DDX10: variants seen among roughly 807,000 people sequenced by gnomAD.
The protein encoded by DDX10 is DEAD-box helicase 10.
A neutral mutation model predicts 104.3 loss-of-function variants in DDX10; 74 were observed. The ratio of observed to expected loss-of-function variants is 0.71; its 90% CI spans 0.59 to 0.86. The LOEUF (loss-of-function observed/expected upper bound fraction) is 0.86, where lower values mean the gene tolerates loss of function less well. Ranked by LOEUF, DDX10 falls within the 40% of genes least tolerant of loss-of-function variation. The pLI is 0.00. For missense variants in DDX10, 952 were observed against 1,040.0 expected, an observed-to-expected ratio of 0.92 and a Z score of 1.16; for synonymous variants, 351 against 353.4, an observed-to-expected ratio of 0.99 and a Z score of 0.08.
rs1354413455 is a variant in DDX10 at position 108,774,345 on chromosome 11, G to A, written c.1965+50883G>A. ...ACTGCTGAGTTGTTTACCATTGTTC[G>A]TCCTTTTAACACAGTATACCATTTT... is the stretch of plus-strand genomic sequence containing the variant. On this transcript the variant is annotated intron_variant, in intron 13 of 17. Transcript: ENST00000322536. Among the ~76,000 whole-genome samples, 4 of 152,268 alleles carry A rather than the reference G, an allele frequency of 2.6e-5. No homozygotes were observed. The East Asian group carries it at 5.8e-4, about 22-fold the overall frequency.
At chr11:108,931,964 C>T (rs751673567) in intron 17 of DDX10, among the ~76,000 whole-genome samples, 2 of 151,970 alleles carry the variant, frequency 1.3e-5, no homozygotes, top group Non-Finnish European at 2.9e-5. Context: ...ACAAAAGCTA[C>T]TAGAATCAGG....
At chr11:108,932,752 G>A (rs1591131258) in intron 17 of DDX10, among the ~76,000 whole-genome samples, 1 of 151,988 alleles carries the variant, frequency 6.6e-6, no homozygotes, top group East Asian at 1.9e-4. Context: ...TTGCTTTTTG[G>A]TCTTGTTTTC....
At chr11:108,679,320 C>A in intron 5 of DDX10, 51 bp from the exon 6 acceptor site, 1 of 1,449,970 alleles carries the variant, frequency 6.9e-7, no homozygotes, top group Non-Finnish European at 9.3e-7. Context: ...TTGCATTTAG[C>A]CTAATGTATA....
chr11:108,857,481 G>T (rs898643222), intron 16 of DDX10, among the ~76,000 whole-genome samples: 1 of 152,054 alleles, frequency 6.6e-6, no homozygotes, highest in Admixed American at 6.5e-5. Flanking sequence ...CTAGAGCACC[G>T]CCAATAATTA....
At chr11:108,852,331 C>A in intron 16 of DDX10, 122 bp downstream of exon 16, 1 of 660,970 alleles carries the variant, frequency 1.5e-6, no homozygotes, top group Non-Finnish European at 2.5e-6. Context: ...CTCTTCTTTT[C>A]AACATGGATT....
At chr11:108,831,318 C>G (rs541870410) in intron 13 of DDX10, among the ~76,000 whole-genome samples, 12 of 150,046 alleles carry the variant, frequency 8.0e-5, no homozygotes, top group Non-Finnish European at 1.6e-4. Context: ...GCAGGAGAAT[C>G]GCTTGAACCC....
At chr11:108,805,185 C>T (rs1160546490) in intron 13 of DDX10, among the ~76,000 whole-genome samples, 1 of 152,316 alleles carries the variant, frequency 6.6e-6, no homozygotes, top group African/African-American at 2.4e-5. Flanking sequence ...CTAGATTAAA[C>T]AGTATGTTGC....
At chr11:108,865,718 A>C (rs371878768) in intron 16 of DDX10, among the ~76,000 whole-genome samples, 7 of 152,252 alleles carry the variant, frequency 4.6e-5, no homozygotes, top group African/African-American at 1.7e-4. Flanking sequence ...CATAAGTGGT[A>C]GGATGATCCT....
chr11:108,903,970 T>C (rs1379214236), intron 16 of DDX10, among the ~76,000 whole-genome samples: 1 of 152,226 alleles, frequency 6.6e-6, no homozygotes, highest in Non-Finnish European at 1.5e-5. Context: ...ATGATAACTT[T>C]ATGATTAATT....
Position 108,874,270 on chromosome 11 carries a change from A to G in DDX10, c.2304+22061A>G, listed in dbSNP as rs540898359. Among the ~76,000 whole-genome samples, 11 of 152,320 alleles carry G rather than the reference A, an allele frequency of 7.2e-5. No homozygotes were observed. In the South Asian group the frequency reaches 2.3e-3, roughly 32 times the overall value. On this transcript the variant is annotated intron_variant, in intron 16 of 17. Coordinates refer to ENST00000322536, the MANE Select transcript of DDX10 (RefSeq NM_004398.4). ...AGTGGAAAAATTGCATGACAATTAG[A>G]ACTGTTGAGAAACAGAATGAGCCCC... is the stretch of plus-strand genomic sequence containing the variant.
chr11:108,690,081 G>T (rs771145188), intron 7 of DDX10, among the ~76,000 whole-genome samples: 20 of 151,866 alleles, frequency 1.3e-4, no homozygotes, highest in Non-Finnish European at 2.5e-4. Flanking sequence ...AGTTTTTCAA[G>T]GACCGATTTT....
intron 11 of DDX10, among the ~76,000 whole-genome samples, 162 bp downstream of exon 11, chr11:108,716,128 C>T (rs2094290983): frequency 6.6e-6 from 1 of 152,024 alleles, no homozygotes; most frequent in African/African-American, 2.4e-5. Flanking sequence ...TGGAGTCTCA[C>T]TCTGTAGCCC....
chr11:108,931,821 A>T (rs566917754), intron 17 of DDX10, among the ~76,000 whole-genome samples: 1 of 150,232 alleles, frequency 6.7e-6, no homozygotes, highest in South Asian at 2.1e-4. Flanking sequence ...CTGTGTCTCA[A>T]TGTTATCCAC....
At chr11:108,743,144 A>G (rs183770326) in intron 13 of DDX10, among the ~76,000 whole-genome samples, 488 of 152,254 alleles carry the variant, frequency 3.2e-3, no homozygotes, top group African/African-American at 0.011. Flanking sequence ...TATACTAGCA[A>G]ACTGAATCCA....
intron 13 of DDX10, among the ~76,000 whole-genome samples, chr11:108,763,094 C>A (rs971672318): frequency 6.6e-6 from 1 of 152,188 alleles, no homozygotes; most frequent in African/African-American, 2.4e-5. Flanking sequence ...CACTACAGTG[C>A]ATACCTCCCC....
intron 13 of DDX10, among the ~76,000 whole-genome samples, chr11:108,726,995 A>G (rs1235567711): frequency 2.0e-5 from 3 of 152,048 alleles, no homozygotes; most frequent in African/African-American, 7.2e-5. Flanking sequence ...TCCCCCTGCT[A>G]CATGTTGAAT....
chr11:108,786,569 A>G (rs1861794243), intron 13 of DDX10, among the ~76,000 whole-genome samples: 1 of 152,116 alleles, frequency 6.6e-6, no homozygotes, highest in South Asian at 2.1e-4. Context: ...AGGATAGTTA[A>G]GTCTTCTTGT....
rs552199291 is a variant in DDX10 at position 108,696,110 on chromosome 11, A to G, written c.1223+2510A>G. ...TGGGTAGAATAGTTGCCTGTTCTCC[A>G]TTTTTATGAGGGGGTAGATGGTGCC... On this transcript the variant is annotated intron_variant, in intron 9 of 17. Transcript: ENST00000322536. Among the ~76,000 whole-genome samples the G allele has an allele frequency of 8.5e-5, 13 of 152,192 alleles. No homozygotes were observed. In the East Asian group the frequency reaches 2.3e-3, roughly 27 times the overall value.
chr11:108,773,701 A>T (rs1306752265), intron 13 of DDX10, among the ~76,000 whole-genome samples: 1 of 152,094 alleles, frequency 6.6e-6, no homozygotes, highest in African/African-American at 2.4e-5. Context: ...GCATTAGTCT[A>T]TTTACAGCCA....
Sources: gnomAD v4.1 joint callset for allele counts (sites outside exome capture counted in the v4.1 genomes callset) on GRCh38, gnomAD v4.1.1 for gene constraint, MANE v1.5 for transcripts, NCBI Gene and HGNC (gene_info 2026-07-23, HGNC 2026-07-21) for gene names.